RASSF5: variants seen among roughly 807,000 people sequenced by gnomAD.
RASSF5 encodes Ras association domain family member 5.
RASSF5 carries 25 observed loss-of-function variants against 40.5 expected under a neutral mutation model. The ratio of observed to expected loss-of-function variants is 0.62; its 90% CI spans 0.45 to 0.86. The LOEUF (loss-of-function observed/expected upper bound fraction) is 0.86, where lower values mean the gene tolerates loss of function less well. RASSF5 is among the 40% of genes least tolerant of loss of function. RASSF5 has a pLI of 0.00. For missense variants in RASSF5, 521 were observed against 572.8 expected, an observed-to-expected ratio of 0.91 and a Z score of 0.92; for synonymous variants, 246 against 252.4, an observed-to-expected ratio of 0.97 and a Z score of 0.24.
intron 2 of RASSF5, among the ~76,000 whole-genome samples, chr1:206,562,808 A>G (rs1668178832): frequency 6.6e-6 from 1 of 151,924 alleles, no homozygotes; most frequent in Non-Finnish European, 1.5e-5. Context: ...TGGCAGGCTA[A>G]CTACTTGGGA....
At chr1:206,549,668 G>A (rs1558508991) in intron 2 of RASSF5, among the ~76,000 whole-genome samples, 3 of 152,136 alleles carry the variant, frequency 2.0e-5, no homozygotes, top group African/African-American at 4.8e-5. Context: ...TTAGAAGTTC[G>A]ATCCTTTTTA....
At chr1:206,538,039 C>A in intron 1 of RASSF5, 133 bp from the exon 2 acceptor site, 2 of 1,288,900 alleles carry the variant, frequency 1.6e-6, no homozygotes, top group Non-Finnish European at 2.2e-6. Flanking sequence ...CACGCTGTCT[C>A]CCGCCCCACC....
At chr1:206,555,817 G>T (rs976222707) in intron 2 of RASSF5, among the ~76,000 whole-genome samples, 3 of 152,186 alleles carry the variant, frequency 2.0e-5, no homozygotes, top group South Asian at 4.1e-4. Flanking sequence ...AAGCCAAATT[G>T]GGCTGCAGTT....
intron 2 of RASSF5, chr1:206,543,093 G>C (rs1296216513): frequency 1.3e-5 from 2 of 152,130 alleles, no homozygotes; most frequent in Non-Finnish European, 2.9e-5. Context: ...GTGTGCATCT[G>C]TAGTGCTAGC....
rs541125357 is a variant in RASSF5, at chr1:206,552,342, T to C, written c.579+14049T>C. On this transcript the variant is annotated intron_variant, in intron 2 of 5. Coordinates refer to ENST00000579436, the MANE Select transcript of RASSF5 (RefSeq NM_182663.4). This position sits in a 1 kb window ranked among gnomAD's most constrained non-coding sequence, Gnocchi z 4.1. ...GTTAAGGATGCTTCTCAGAGTCAGATGGAAGGTGTGGGAGGTATGGATGAT... is the reference window on the plus strand; with the variant it reads ...GTTAAGGATGCTTCTCAGAGTCAGACGGAAGGTGTGGGAGGTATGGATGAT... Among the ~76,000 whole-genome samples, 5 of 152,248 alleles carry C rather than the reference T, an allele frequency of 3.3e-5. No homozygotes were observed. Among genetic ancestry groups the C allele is most frequent in the Admixed American group, 6.5e-5 (1 of 15,292 alleles).
At chr1:206,521,338 G>T (rs149627689) in intron 1 of RASSF5, among the ~76,000 whole-genome samples, 130 of 152,270 alleles carry the variant, frequency 8.5e-4, no homozygotes, top group African/African-American at 2.6e-3. Context: ...CTTTCGCCCG[G>T]TTGATGATTG....
chr1:206,528,000 G>A (rs563645039), intron 1 of RASSF5, among the ~76,000 whole-genome samples: 85 of 152,270 alleles, frequency 5.6e-4, no homozygotes, highest in African/African-American at 2.0e-3. Context: ...TAGATCCAAT[G>A]AGTTAAAAAC....
At chr1:206,519,631 A>G (rs1417144803) in intron 1 of RASSF5, among the ~76,000 whole-genome samples, 1 of 152,076 alleles carries the variant, frequency 6.6e-6, no homozygotes, top group Non-Finnish European at 1.5e-5. Flanking sequence ...TTTTCTCTAT[A>G]CTTCTCTCAT....
At chr1:206,580,686 A>G (rs1027335701) in intron 2 of RASSF5, 3 of 152,132 alleles carry the variant, frequency 2.0e-5, no homozygotes, top group Admixed American at 6.5e-5. Context: ...ACTACTTGCT[A>G]CTCACCTCCG....
chr1:206,557,484 G>T, intron 2 of RASSF5: 1 of 1,579,922 alleles, frequency 6.3e-7, no homozygotes, highest in African/African-American at 1.3e-5. Flanking sequence ...GCCAAGCGGA[G>T]CCCGGGGAGG....
At chr1:206,532,725 T>C (rs1667274241) in intron 1 of RASSF5, among the ~76,000 whole-genome samples, 1 of 152,222 alleles carries the variant, frequency 6.6e-6, no homozygotes, top group Non-Finnish European at 1.5e-5. Flanking sequence ...CTGGTAGCTC[T>C]GGTGTCATCC....
At chr1:206,569,883 T>C (rs1023886943) in intron 2 of RASSF5, among the ~76,000 whole-genome samples, 9 of 152,078 alleles carry the variant, frequency 5.9e-5, no homozygotes, top group Non-Finnish European at 1.0e-4. Context: ...GAAAAGAGCC[T>C]GGTCTTGGAG....
intron 1 of RASSF5, among the ~76,000 whole-genome samples, chr1:206,516,210 C>T (rs1181580973): frequency 6.6e-6 from 1 of 152,196 alleles, no homozygotes; most frequent in Non-Finnish European, 1.5e-5. Flanking sequence ...ATTTCCCTGT[C>T]TCTAGGTAGT....
chr1:206,561,034 C>T (rs1318209503), intron 2 of RASSF5, among the ~76,000 whole-genome samples: 1 of 152,206 alleles, frequency 6.6e-6, no homozygotes, highest in Non-Finnish European at 1.5e-5. Flanking sequence ...GCTTTGACAT[C>T]TGAGCGGGAA....
intron 2 of RASSF5, among the ~76,000 whole-genome samples, chr1:206,549,925 A>T (rs1258924277): frequency 9.9e-5 from 15 of 152,056 alleles, no homozygotes; most frequent in Non-Finnish European, 4.4e-5. Flanking sequence ...CCATGCACAC[A>T]CCGATCAGTA....
At chr1:206,530,776 G>A (rs565252755) in intron 1 of RASSF5, among the ~76,000 whole-genome samples, 120 of 152,310 alleles carry the variant, frequency 7.9e-4, no homozygotes, top group African/African-American at 2.8e-3. Context: ...GCCCCTCCCC[G>A]CTGCAGGGAG....
At chr1:206,586,186 A>C (rs1486653050) in intron 5 of RASSF5, 1 of 152,764 alleles carries the variant, frequency 6.5e-6, no homozygotes, top group Non-Finnish European at 1.5e-5. Context: ...TTAGTACTCT[A>C]TTGTGCTCAA....
At chr1:206,574,591 C>G (rs1553404821) in intron 2 of RASSF5, among the ~76,000 whole-genome samples, 1 of 152,152 alleles carries the variant, frequency 6.6e-6, no homozygotes, top group Non-Finnish European at 1.5e-5. Flanking sequence ...AGCAGAAGCT[C>G]CATGATAAAG....
chr1:206,568,519 G>A (rs1353736085), intron 2 of RASSF5, among the ~76,000 whole-genome samples: 2 of 152,162 alleles, frequency 1.3e-5, no homozygotes, highest in Non-Finnish European at 2.9e-5. Flanking sequence ...GCGGGGTGCT[G>A]GGTACTGACT....
Sources: gnomAD v4.1 joint callset for allele counts (sites outside exome capture counted in the v4.1 genomes callset) on GRCh38, gnomAD v4.1.1 for gene constraint, Gnocchi (gnomAD v3.1) non-coding constraint, MANE v1.5 for transcripts, NCBI Gene and HGNC (gene_info 2026-07-23, HGNC 2026-07-21) for gene names.